JPH3: variants seen among roughly 807,000 people sequenced by gnomAD.
JPH3 encodes the protein junctophilin-3.
Under a neutral mutation model 59.6 loss-of-function variants are expected in JPH3, and 11 were observed. The ratio of observed to expected loss-of-function variants is 0.18; its 90% CI spans 0.12 to 0.31. The LOEUF (loss-of-function observed/expected upper bound fraction) is 0.31. JPH3 is among the 10% of genes least tolerant of loss of function. JPH3 has a pLI of 1.00. For synonymous variants in JPH3, 673 were observed against 483.6 expected, an observed-to-expected ratio of 1.39 and a Z score of -5.14; for missense variants, 1,202 against 1,105.7, an observed-to-expected ratio of 1.09 and a Z score of -1.24.
At chr16:87,604,729 G>A in intron 1 of JPH3, 1 of 1,015,370 alleles carries the variant, frequency 9.8e-7, no homozygotes, top group African/African-American at 1.7e-5. Context: ...GCAGGGGGCT[G>A]GAGAGTAATT....
chr16:87,645,685 G>C (rs1252964661), intron 2 of JPH3, among the ~76,000 whole-genome samples: 2 of 152,194 alleles, frequency 1.3e-5, no homozygotes, highest in African/African-American at 4.8e-5. Flanking sequence ...GGGTGGGATC[G>C]ACGTGGCTTT....
At chr16:87,678,217 G>C (rs1476789614) in intron 2 of JPH3, among the ~76,000 whole-genome samples, 1 of 152,010 alleles carries the variant, frequency 6.6e-6, no homozygotes, top group Non-Finnish European at 1.5e-5. Flanking sequence ...CTCCAGCCTG[G>C]GTGACAAAGG....
intron 1 of JPH3, among the ~76,000 whole-genome samples, chr16:87,617,788 G>A (rs1403776789): frequency 1.3e-5 from 2 of 152,132 alleles, no homozygotes; most frequent in East Asian, 3.9e-4. Flanking sequence ...GCGCAGCCGG[G>A]GCAGGGGTGC....
intron 1 of JPH3, among the ~76,000 whole-genome samples, chr16:87,644,026 T>C (rs145525235): frequency 0.015 from 2,279 of 152,282 alleles, 53 homozygotes; most frequent in African/African-American, 0.053. Context: ...TAGTCCCAGC[T>C]GCGCAGGAGG....
intron 2 of JPH3, among the ~76,000 whole-genome samples, chr16:87,683,373 C>T (rs2033341859): frequency 6.6e-6 from 1 of 151,768 alleles, no homozygotes. Context: ...GGCGTGATCT[C>T]CGCTCACTGC....
chr16:87,680,267 A>G (rs145505336), intron 2 of JPH3, among the ~76,000 whole-genome samples: 1 of 152,300 alleles, frequency 6.6e-6, no homozygotes, highest in East Asian at 1.9e-4. Context: ...CCACATTGGT[A>G]AGACTGGCTG....
chr16:87,640,357 G>A (rs1354716577), intron 1 of JPH3, among the ~76,000 whole-genome samples: 3 of 151,386 alleles, frequency 2.0e-5, no homozygotes, highest in Non-Finnish European at 4.4e-5. Flanking sequence ...GGTTACCTGT[G>A]CATGCCAGGT....
At chr16:87,616,078 G>T (rs1293611637) in intron 1 of JPH3, among the ~76,000 whole-genome samples, 1 of 152,140 alleles carries the variant, frequency 6.6e-6, no homozygotes, top group Non-Finnish European at 1.5e-5. Context: ...AGAAGGGCAC[G>T]GGGTCTGAGC....
At chr16:87,638,629 A>C (rs1597252726) in intron 1 of JPH3, among the ~76,000 whole-genome samples, 1 of 152,058 alleles carries the variant, frequency 6.6e-6, no homozygotes, top group East Asian at 1.9e-4. Flanking sequence ...GGGCTTGGGG[A>C]GTGAGGAGAG....
chr16:87,664,098 G>A (rs1055710579), intron 2 of JPH3, among the ~76,000 whole-genome samples: 6 of 150,660 alleles, frequency 4.0e-5, no homozygotes, highest in East Asian at 2.0e-4. Context: ...TTGGGAGGCC[G>A]AGGCGGGTGG....
chr16:87,604,387 A>G lies in JPH3; in HGVS notation c.382+859A>G, dbSNP rs771468457. 1.7e-5 allele frequency: 24 copies of G among 1,429,266 alleles called. No individual in the cohort carries two copies. In the South Asian group the frequency reaches 2.8e-4, roughly 16 times the overall value. 88.5% of individuals were successfully genotyped at this position (1,429,266 alleles called of 1,614,324 possible). A position where few individuals can be genotyped will look rare whatever the true frequency, so the allele number is the denominator to read the frequency against. ...GCTCTGCAGCTGCCCGCCTGCCTGG[A>G]CTCTCCGATATCCACTCCTCAGTGC... On this transcript the variant is annotated intron_variant, in intron 1 of 4. Coordinates refer to ENST00000284262, the MANE Select transcript of JPH3 (RefSeq NM_020655.4).
intron 2 of JPH3, among the ~76,000 whole-genome samples, chr16:87,650,279 G>A (rs1231844425): frequency 6.6e-6 from 1 of 152,148 alleles, no homozygotes; most frequent in Non-Finnish European, 1.5e-5. Context: ...TACTAGTGTG[G>A]TTATTTTGGG....
At chr16:87,638,770 C>T (rs937220602) in intron 1 of JPH3, among the ~76,000 whole-genome samples, 1 of 152,206 alleles carries the variant, frequency 6.6e-6, no homozygotes, top group Non-Finnish European at 1.5e-5. Flanking sequence ...CGACAACATC[C>T]AGCCATAGAG....
At chr16:87,634,129 C>T (rs1354852955) in intron 1 of JPH3, among the ~76,000 whole-genome samples, 2 of 152,114 alleles carry the variant, frequency 1.3e-5, no homozygotes, top group African/African-American at 4.8e-5. Context: ...GGCATGGGGG[C>T]CACCCGTGGA....
intron 1 of JPH3, among the ~76,000 whole-genome samples, chr16:87,624,310 C>T (rs1348947421): frequency 1.3e-5 from 2 of 152,222 alleles, no homozygotes; most frequent in Admixed American, 6.5e-5. Flanking sequence ...CTAGCTACCC[C>T]TTCCCCATTC....
At chr16:87,602,313 G>A (rs1354853485), upstream of JPH3, 1 of 145,988 alleles carries the variant, frequency 6.8e-6, no homozygotes, top group Admixed American at 6.7e-5. Flanking sequence ...AGGGCGGGGA[G>A]CGCGGGGCTG....
intron 1 of JPH3, among the ~76,000 whole-genome samples, chr16:87,625,948 C>T (rs1490641330): frequency 3.3e-5 from 5 of 152,240 alleles, no homozygotes; most frequent in Non-Finnish European, 5.9e-5. Flanking sequence ...GCACAGCGCA[C>T]GTTCCACGGG....
intron 2 of JPH3, among the ~76,000 whole-genome samples, chr16:87,678,384 G>A (rs1567611213): frequency 6.6e-6 from 1 of 152,090 alleles, no homozygotes. Flanking sequence ...ACTAAAAGTA[G>A]AAAAATTAGC....
At chr16:87,660,937 T>G (rs1434140171) in intron 2 of JPH3, among the ~76,000 whole-genome samples, 1 of 152,204 alleles carries the variant, frequency 6.6e-6, no homozygotes, top group African/African-American at 2.4e-5. Context: ...GTACAGGCTG[T>G]GAGAATCCCT....
Sources: allele counts gnomAD v4.1 joint callset (sites outside exome capture counted in the v4.1 genomes callset), GRCh38; gene constraint gnomAD v4.1.1; transcripts MANE v1.5; gene names NCBI Gene and HGNC (gene_info 2026-07-23, HGNC 2026-07-21).